The following HPRT1 variants were observed in gnomAD, a reference collection of about 807,000 sequenced individuals.
HPRT1 encodes the protein hypoxanthine phosphoribosyltransferase 1.
Under a neutral mutation model 19.0 loss-of-function variants are expected in HPRT1, and 4 were observed. The ratio of observed to expected loss-of-function variants is 0.21; its 90% CI spans 0.10 to 0.48. The LOEUF is 0.48. Ranked by LOEUF, HPRT1 falls within the 20% of genes least tolerant of loss-of-function variation. The pLI is 0.98. For synonymous variants in HPRT1, 53 were observed against 54.9 expected, an observed-to-expected ratio of 0.97 and a Z score of 0.15; for missense variants, 65 against 164.0, an observed-to-expected ratio of 0.40 and a Z score of 3.30.
At chrX:134,465,658 G>A (rs901844630) in intron 1 of HPRT1, among the ~76,000 whole-genome samples, 28 of 112,475 alleles carry the variant, frequency 2.5e-4, no homozygotes, top group African/African-American at 9.0e-4. Context: ...TATATCACAA[G>A]TAAGTTAGAA....
rs752527618 is a variant in HPRT1, at chrX:134,493,588, A to G, written c.483A>G (p.Ala161=). The G allele has an allele frequency of 8.6e-6, 10 of 1,167,701 alleles. No homozygotes were observed. The highest frequency in any genetic ancestry group is 1.8e-5 in the South Asian group (1 of 56,008). ...RQYNPKMVKV[A]SLLVKRTPRS... ...ATAATCCAAAGATGGTCAAGGTCGC[A>G]AGGTATGTATGACATTTTGACACAG... Residue 161 remains alanine (A), a splice_region_variant and synonymous_variant, in exon 6 of 9, where the codon GCA becomes GCG. Transcript: ENST00000298556.
At chrX:134,499,575 C>T (rs1280946902) in intron 8 of HPRT1, among the ~76,000 whole-genome samples, 2 of 111,095 alleles carry the variant, frequency 1.8e-5, no homozygotes, top group Non-Finnish European at 1.9e-5. Context: ...GAGGCTGAGG[C>T]GGGCGGATCA....
chrX:134,476,304 T>G (rs2077625102), intron 3 of HPRT1, among the ~76,000 whole-genome samples: 1 of 112,327 alleles, frequency 8.9e-6, no homozygotes, highest in Non-Finnish European at 1.9e-5. Flanking sequence ...GGGCAGCCAT[T>G]TAAGTATTAT....
intron 1 of HPRT1, among the ~76,000 whole-genome samples, chrX:134,464,195 T>TG (rs2077591319): frequency 1.8e-5 from 2 of 112,507 alleles, no homozygotes; most frequent in Non-Finnish European, 3.7e-5. Context: ...TTAATTCTTC[T>TG]AACAGCTTTA....
intron 3 of HPRT1, among the ~76,000 whole-genome samples, chrX:134,479,983 A>G (rs1352984212): frequency 9.0e-6 from 1 of 110,830 alleles, no homozygotes; most frequent in Non-Finnish European, 1.9e-5. Flanking sequence ...CTCAGGAGGA[A>G]AAGTTGATAC....
intron 3 of HPRT1, among the ~76,000 whole-genome samples, chrX:134,477,556 A>G (rs2077629050): frequency 9.0e-6 from 1 of 110,932 alleles, no homozygotes. Flanking sequence ...CATGCCTGTA[A>G]TCTCAGTGCT....
At chrX:134,497,548 C>T (rs1255097549) in intron 6 of HPRT1, among the ~76,000 whole-genome samples, 1 of 107,368 alleles carries the variant, frequency 9.3e-6, no homozygotes, top group Admixed American at 1.0e-4. Context: ...GCAGGAGAAT[C>T]GCTTGAACCT....
In HPRT1 at chrX:134,474,279, A is replaced by G. The variant is rs566022970; in HGVS notation, c.134+814A>G. 4.5e-5 allele frequency among the ~76,000 whole-genome samples: 5 copies of G among 111,954 alleles called. No homozygotes were observed. In the South Asian group the frequency reaches 1.9e-3, roughly 42 times the overall value. On this transcript the variant is annotated intron_variant, in intron 2 of 8. Transcript: ENST00000298556. ...TCTTTTACATGTTTGGTACTTGTTC[A>G]GCTTTATTCAAGTGGAATTTCTGGG...
chrX:134,480,130 TTTTTCA>T (rs948805358), intron 3 of HPRT1, among the ~76,000 whole-genome samples: 8 of 111,225 alleles, frequency 7.2e-5, no homozygotes, highest in Non-Finnish European at 1.5e-4. Context: ...TAGAGAAAAC[TTTTTCA>T]TTTTTATTTT....
chrX:134,487,175 C>T (rs2124298681), intron 4 of HPRT1, among the ~76,000 whole-genome samples: 1 of 111,485 alleles, frequency 9.0e-6, no homozygotes, highest in South Asian at 3.8e-4. Context: ...TAAAATTCTC[C>T]TAGTGTGAAC....
intron 1 of HPRT1, among the ~76,000 whole-genome samples, chrX:134,466,477 C>T (rs1411004229): frequency 9.2e-6 from 1 of 108,571 alleles, no homozygotes; most frequent in Non-Finnish European, 1.9e-5. Context: ...GTCATGTGAG[C>T]ACACAGTTAG....
chrX:134,466,423 A>AG (rs1334765098), intron 1 of HPRT1, among the ~76,000 whole-genome samples: 99 of 105,353 alleles, frequency 9.4e-4, no homozygotes, highest in Admixed American at 2.9e-3. Flanking sequence ...GTCTCAAAAA[A>AG]GAAAAAAAAA....
intron 5 of HPRT1, chrX:134,492,561 C>G (rs1345578627): frequency 3.0e-6 from 1 of 327,883 alleles, no homozygotes; most frequent in African/African-American, 2.7e-5. Context: ...GGCCCGTTTT[C>G]TCACTGGCTG....
intron 8 of HPRT1, among the ~76,000 whole-genome samples, chrX:134,499,521 C>CA (rs2124305927): frequency 9.5e-6 from 1 of 105,482 alleles, no homozygotes; most frequent in South Asian, 4.2e-4. Context: ...AGACAAGAAA[C>CA]AGACTGGGCG....
intron 6 of HPRT1, among the ~76,000 whole-genome samples, chrX:134,498,158 T>C (rs1174942332): frequency 2.7e-5 from 3 of 111,696 alleles, no homozygotes; most frequent in Non-Finnish European, 3.8e-5. Flanking sequence ...GTCCTTCAGG[T>C]TCCAGGTGAT....
chrX:134,463,478 A>G (rs1004356836), intron 1 of HPRT1, among the ~76,000 whole-genome samples: 17 of 108,584 alleles, frequency 1.6e-4, no homozygotes, highest in African/African-American at 5.0e-4. Context: ...ATTGACATCA[A>G]TCTGTAGGTG....
intron 3 of HPRT1, among the ~76,000 whole-genome samples, chrX:134,480,736 G>A (rs1328701143): frequency 4.1e-5 from 4 of 97,153 alleles, no homozygotes; most frequent in East Asian, 6.5e-4. Flanking sequence ...GGTGTCAGCC[G>A]TTGCACCTGG....
chrX:134,475,402 C>T, intron 3 of HPRT1, 38 bp downstream of exon 3: 1 of 907,391 alleles, frequency 1.1e-6, no homozygotes, highest in Non-Finnish European at 1.6e-6. Context: ...TTAGTGGCAA[C>T]AGTAGGTTTT....
chrX:134,464,074 T>A (rs1262099919), intron 1 of HPRT1, among the ~76,000 whole-genome samples: 1 of 111,530 alleles, frequency 9.0e-6, no homozygotes, highest in African/African-American at 3.3e-5. Flanking sequence ...AAGGAAAAAT[T>A]GTAATATTGG....
Sources: allele counts gnomAD v4.1 joint callset (sites outside exome capture counted in the v4.1 genomes callset), GRCh38; gene constraint gnomAD v4.1.1; transcripts MANE v1.5; gene names NCBI Gene and HGNC (gene_info 2026-07-23, HGNC 2026-07-21).